Variants in CLSTN2 observed in about 807,000 individuals in gnomAD.
CLSTN2 encodes calsyntenin-2.
CLSTN2 carries 48 observed loss-of-function variants against 101.2 expected under a neutral mutation model. That is an observed-to-expected ratio of 0.47 (90% CI 0.38 to 0.60). The LOEUF is 0.60. CLSTN2 is among the 20% of genes least tolerant of loss of function. CLSTN2 has a pLI of 0.00. For missense variants in CLSTN2, 1,160 were observed against 1,238.2 expected, an observed-to-expected ratio of 0.94 and a Z score of 0.95; for synonymous variants, 481 against 463.6, an observed-to-expected ratio of 1.04 and a Z score of -0.48.
chr3:140,496,418 A>G (rs1363489434), intron 8 of CLSTN2, among the ~76,000 whole-genome samples: 1 of 152,186 alleles, frequency 6.6e-6, no homozygotes, highest in Non-Finnish European at 1.5e-5. Flanking sequence ...AAGCAAAGAT[A>G]ACTTGACTTC....
At chr3:140,209,611 G>C (rs571462104) in intron 2 of CLSTN2, among the ~76,000 whole-genome samples, 1 of 151,902 alleles carries the variant, frequency 6.6e-6, no homozygotes, top group Admixed American at 6.6e-5. Flanking sequence ...GCTTTTTAAG[G>C]CTCTGTTGAA....
At chr3:140,082,801 G>C (rs529892810) in intron 1 of CLSTN2, among the ~76,000 whole-genome samples, 1 of 152,308 alleles carries the variant, frequency 6.6e-6, no homozygotes, top group South Asian at 2.1e-4. Context: ...AGGGATATGA[G>C]GAAGAACTGG....
chr3:140,199,183 C>A (rs934870321), intron 2 of CLSTN2, among the ~76,000 whole-genome samples: 6 of 152,206 alleles, frequency 3.9e-5, no homozygotes, highest in Non-Finnish European at 8.8e-5. Flanking sequence ...CAGAATATTG[C>A]ATCAGACTTT....
chr3:140,201,625 T>A (rs1310962658), intron 2 of CLSTN2, among the ~76,000 whole-genome samples: 1 of 152,174 alleles, frequency 6.6e-6, no homozygotes, highest in Non-Finnish European at 1.5e-5. Context: ...ACTAATTATT[T>A]ATTTTAAAAA....
Position 140,253,328 on chromosome 3 carries a change from A to G in CLSTN2, c.232+77255A>G, listed in dbSNP as rs546310760. The stretch of plus-strand genomic sequence containing the variant: ...GGTTCTTCCATGGCTCCGAAGGTGG[A>G]CCACAGGAGCTTTCTCCATCCCCAG... On this transcript the variant is annotated intron_variant, in intron 2 of 16. Transcript: ENST00000458420. Among the ~76,000 whole-genome samples, 3 of 152,262 alleles carry G rather than the reference A, an allele frequency of 2.0e-5. No individual in the cohort carries two copies. The East Asian group carries it at 5.8e-4, about 29-fold the overall frequency.
intron 5 of CLSTN2, among the ~76,000 whole-genome samples, chr3:140,422,189 T>TTCTC (rs3035957): frequency 1.3e-4 from 19 of 148,502 alleles, no homozygotes; most frequent in African/African-American, 4.0e-4. Context: ...CTCTCTTTCT[T>TTCTC]TCTCTCTCTC....
At chr3:140,482,155 T>C (rs1323781235) in intron 8 of CLSTN2, among the ~76,000 whole-genome samples, 2 of 152,242 alleles carry the variant, frequency 1.3e-5, no homozygotes, top group Non-Finnish European at 2.9e-5. Flanking sequence ...GTTTTCAGCA[T>C]GAAGCGTTGT....
chr3:140,378,685 T>G (rs1291148466), intron 2 of CLSTN2, among the ~76,000 whole-genome samples: 1 of 152,214 alleles, frequency 6.6e-6, no homozygotes, highest in African/African-American at 2.4e-5. Flanking sequence ...TTTGGATCCT[T>G]GTACTCAGAA....
At chr3:139,965,923 T>C (rs1462461179) in intron 1 of CLSTN2, among the ~76,000 whole-genome samples, 2 of 152,182 alleles carry the variant, frequency 1.3e-5, no homozygotes, top group Non-Finnish European at 2.9e-5. Flanking sequence ...ACCCGTTAGA[T>C]GGTGGTTTGA....
chr3:140,068,866 A>G (rs888478565), intron 1 of CLSTN2, among the ~76,000 whole-genome samples: 1 of 152,220 alleles, frequency 6.6e-6, no homozygotes, highest in African/African-American at 2.4e-5. Flanking sequence ...AGTGATTAAG[A>G]GCCTAGGTTC....
chr3:140,460,284 T>C (rs1280829854), intron 7 of CLSTN2: 2 of 162,000 alleles, frequency 1.2e-5, no homozygotes, highest in Non-Finnish European at 2.7e-5. Flanking sequence ...GCTGAGCCTG[T>C]GCAAGAAGTT....
At chr3:140,389,096 A>G (rs182204078) in intron 2 of CLSTN2, among the ~76,000 whole-genome samples, 17 of 152,046 alleles carry the variant, frequency 1.1e-4, no homozygotes, top group Middle Eastern at 3.4e-3. Flanking sequence ...ATTATTAAGG[A>G]TTTTTATATC....
At chr3:140,282,652 T>C (rs2086859170) in intron 2 of CLSTN2, among the ~76,000 whole-genome samples, 1 of 152,146 alleles carries the variant, frequency 6.6e-6, no homozygotes, top group Non-Finnish European at 1.5e-5. Context: ...ACATCATGTG[T>C]GATCTTCTTG....
At chr3:140,542,445 A>G (rs958676846) in intron 9 of CLSTN2, among the ~76,000 whole-genome samples, 1 of 152,152 alleles carries the variant, frequency 6.6e-6, no homozygotes, top group African/African-American at 2.4e-5. Flanking sequence ...TCAGGTTAAG[A>G]TGATTCATAA....
In CLSTN2 at chr3:140,297,169, C is replaced by T. The variant is rs149997231; in HGVS notation, c.233-106460C>T. On this transcript the variant is annotated intron_variant, in intron 2 of 16. Coordinates refer to ENST00000458420, the MANE Select transcript of CLSTN2 (RefSeq NM_022131.3). Reference sequence around the variant, plus strand: ...GGACTCAATTTGTTGTGTTTGTTTGCCAAGTATTTTAAGCCAGTTTGGTGT... The same window carrying T: ...GGACTCAATTTGTTGTGTTTGTTTGTCAAGTATTTTAAGCCAGTTTGGTGT... Among the ~76,000 whole-genome samples the T allele has an allele frequency of 2.7e-3, 413 of 152,284 alleles. 3 individuals carry two copies. The highest frequency in any genetic ancestry group is 9.4e-3 in the African/African-American group (390 of 41,552).
At chr3:140,456,935 A>G (rs2108014510) in intron 6 of CLSTN2, among the ~76,000 whole-genome samples, 1 of 152,250 alleles carries the variant, frequency 6.6e-6, no homozygotes, top group African/African-American at 2.4e-5. Flanking sequence ...CCATCACCCC[A>G]TGCATGGTCC....
intron 1 of CLSTN2, among the ~76,000 whole-genome samples, chr3:139,953,782 C>G (rs1935336082): frequency 6.6e-6 from 1 of 152,196 alleles, no homozygotes; most frequent in Admixed American, 6.5e-5. Flanking sequence ...TTCTTCCCTT[C>G]CTGAGTCACT....
intron 2 of CLSTN2, among the ~76,000 whole-genome samples, chr3:140,308,501 A>T (rs946196888): frequency 6.6e-6 from 1 of 152,268 alleles, no homozygotes; most frequent in Non-Finnish European, 1.5e-5. Context: ...TTATGGAGGA[A>T]TCTGCATCTC....
intron 1 of CLSTN2, among the ~76,000 whole-genome samples, chr3:140,108,737 A>G (rs2009103867): frequency 6.6e-6 from 1 of 152,132 alleles, no homozygotes; most frequent in Admixed American, 6.6e-5. Flanking sequence ...TTGTATTTTG[A>G]AGCCCTATTT....
Sources: gnomAD v4.1 joint callset for allele counts (sites outside exome capture counted in the v4.1 genomes callset) on GRCh38, gnomAD v4.1.1 for gene constraint, MANE v1.5 for transcripts, NCBI Gene and HGNC (gene_info 2026-07-23, HGNC 2026-07-21) for gene names.